Variants in RHOBTB1 observed in about 807,000 individuals in gnomAD.
RHOBTB1 encodes the protein rho-related BTB domain-containing protein 1.
Under a neutral mutation model 71.6 loss-of-function variants are expected in RHOBTB1, and 40 were observed. The observed-to-expected ratio is 0.56, with a 90% CI of 0.43 to 0.73. The LOEUF is 0.73. RHOBTB1 is among the 30% of genes least tolerant of loss of function. RHOBTB1 has a pLI of 0.00. For synonymous variants in RHOBTB1, 319 were observed against 334.9 expected (o/e 0.95, Z 0.52); for missense variants, 797 against 894.0 (o/e 0.89, Z 1.38).
At chr10:60,990,548 C>T (rs1056661830) in intron 1 of RHOBTB1, among the ~76,000 whole-genome samples, 5 of 152,216 alleles carry the variant, frequency 3.3e-5, no homozygotes, top group African/African-American at 1.2e-4. Flanking sequence ...TATTCTCCAT[C>T]CGTGCTCAAT....
chr10:60,880,805 CT>C lies in RHOBTB1; in HGVS notation c.1576-2748del, dbSNP rs201102597. ...TCAACTAAATCTAGCACCAGTTACA[CT>C]GCGTGTATGCTCGCATACATATATG... is the stretch of plus-strand genomic sequence containing the variant. On this transcript the variant is annotated intron_variant, in intron 7 of 10. Transcript: ENST00000337910. Among the ~76,000 whole-genome samples, 426 of 152,346 alleles carry C rather than the reference CT, an allele frequency of 2.8e-3. 1 individual carries two copies. Among genetic ancestry groups the C allele is most frequent in the African/African-American group, 9.5e-3 (395 of 41,562 alleles).
intron 2 of RHOBTB1, among the ~76,000 whole-genome samples, chr10:60,956,880 A>G (rs1227998343): frequency 6.6e-6 from 1 of 152,188 alleles, no homozygotes; most frequent in Admixed American, 6.5e-5. Flanking sequence ...TCAGTTACAG[A>G]TACTCAGAAG....
At chr10:60,963,608 T>C (rs1002311789) in intron 2 of RHOBTB1, among the ~76,000 whole-genome samples, 1 of 152,162 alleles carries the variant, frequency 6.6e-6, no homozygotes, top group Non-Finnish European at 1.5e-5. Context: ...CATGAGGTCA[T>C]GTGTTCCATT....
At chr10:60,919,772 G>A (rs111785773) in intron 2 of RHOBTB1, among the ~76,000 whole-genome samples, 5 of 152,260 alleles carry the variant, frequency 3.3e-5, no homozygotes, top group East Asian at 3.9e-4. Context: ...TCTCACCAGG[G>A]CTCTCTGACA....
intron 10 of RHOBTB1, 135 bp downstream of exon 10, chr10:60,872,050 T>G: frequency 1.4e-6 from 1 of 730,684 alleles, no homozygotes; most frequent in South Asian, 1.6e-5. Flanking sequence ...CACATTAATA[T>G]GTGACCACCA....
chr10:60,943,332 G>C (rs1040255149), intron 1 of RHOBTB1, among the ~76,000 whole-genome samples: 1 of 152,100 alleles, frequency 6.6e-6, no homozygotes, highest in Non-Finnish European at 1.5e-5. Flanking sequence ...ACTTCTTTTC[G>C]GGGGGCAGAG....
chr10:60,986,862 C>T (rs1334335297), intron 1 of RHOBTB1, among the ~76,000 whole-genome samples: 1 of 152,140 alleles, frequency 6.6e-6, no homozygotes, highest in African/African-American at 2.4e-5. Flanking sequence ...AATCATCCAG[C>T]TCTCCTCCCT....
At chr10:60,947,131 G>T (rs112102727), upstream of RHOBTB1, among the ~76,000 whole-genome samples, 9 of 152,212 alleles carry the variant, frequency 5.9e-5, no homozygotes, top group African/African-American at 1.7e-4. Context: ...AGAGAGAAAA[G>T]GAATCATATC....
intron 4 of RHOBTB1, among the ~76,000 whole-genome samples, chr10:60,905,449 CAA>C (rs35538782): frequency 2.9e-4 from 14 of 48,986 alleles, no homozygotes; most frequent in Admixed American, 1.3e-3. Flanking sequence ...GACTCTTTCT[CAA>C]AAAAAAAAAA....
At chr10:61,001,655 G>A (rs1205528678), upstream of RHOBTB1, among the ~76,000 whole-genome samples, 1 of 152,084 alleles carries the variant, frequency 6.6e-6, no homozygotes, top group Non-Finnish European at 1.5e-5. Context: ...CTGCCGGACA[G>A]TCCTGCGGGC....
chr10:60,910,301 C>T (rs2133366324), intron 4 of RHOBTB1, among the ~76,000 whole-genome samples: 1 of 152,176 alleles, frequency 6.6e-6, no homozygotes, highest in Non-Finnish European at 1.5e-5. Flanking sequence ...AGGAGTTTTC[C>T]CATTACTAGA....
At chr10:60,930,234 G>T (rs1192316891) in intron 2 of RHOBTB1, among the ~76,000 whole-genome samples, 1 of 152,168 alleles carries the variant, frequency 6.6e-6, no homozygotes, top group East Asian at 1.9e-4. Context: ...CTTGCTAAGT[G>T]ATTTTAGGCA....
intron 2 of RHOBTB1, among the ~76,000 whole-genome samples, chr10:60,928,237 G>A (rs985983300): frequency 2.0e-5 from 3 of 151,920 alleles, no homozygotes; most frequent in African/African-American, 7.3e-5. Context: ...AATTAGCACG[G>A]CCATTTTGGA....
intron 9 of RHOBTB1, among the ~76,000 whole-genome samples, chr10:60,872,787 G>A (rs1179833920): frequency 6.6e-6 from 1 of 152,170 alleles, no homozygotes; most frequent in Admixed American, 6.5e-5. Flanking sequence ...AGAAGAGCAG[G>A]CGGTATGGGC....
At chr10:60,892,178 A>G (rs2132750714) in intron 5 of RHOBTB1, among the ~76,000 whole-genome samples, 1 of 152,322 alleles carries the variant, frequency 6.6e-6, no homozygotes, top group South Asian at 2.1e-4. Flanking sequence ...CAAAATCAAT[A>G]TCGACATTTT....
Position 60,871,587 on chromosome 10 carries a change from G to C in RHOBTB1, c.1986C>G (p.His662Gln). Residue 662 changes from histidine (H) to glutamine (Q), a missense_variant, in exon 11 of 11, where the codon CAC becomes CAG. Transcript: ENST00000337910. The stretch of plus-strand genomic sequence containing the variant: ...CTCGTTCCCTTTTCACACGCTGGTA[G>C]TGATCTTCTTCCTTCAGGTACCACA... ...PPVWYLKEED[H>Q]YQRVKREREK... is the part of the protein sequence containing the mutation. 1 of 1,614,084 alleles carries C rather than the reference G, an allele frequency of 6.2e-7. No individual in the cohort carries two copies. The highest frequency in any genetic ancestry group is 8.5e-7 in the Non-Finnish European group (1 of 1,179,990).
At chr10:60,907,255 T>C (rs564349534) in intron 4 of RHOBTB1, among the ~76,000 whole-genome samples, 17 of 152,354 alleles carry the variant, frequency 1.1e-4, no homozygotes, top group African/African-American at 3.8e-4. Context: ...GCCAGATTCC[T>C]GATAAAGGCA....
At chr10:60,973,295 T>G (rs1280218925) in intron 2 of RHOBTB1, among the ~76,000 whole-genome samples, 1 of 152,070 alleles carries the variant, frequency 6.6e-6, no homozygotes, top group Non-Finnish European at 1.5e-5. Context: ...CAAGCTAAGA[T>G]TATTACAAAA....
intron 8 of RHOBTB1, among the ~76,000 whole-genome samples, chr10:60,876,059 A>C (rs1406969614): frequency 1.3e-5 from 2 of 152,158 alleles, no homozygotes; most frequent in Non-Finnish European, 2.9e-5. Context: ...TCGGGAATGG[A>C]ATGATTTCTT....
Sources: allele counts gnomAD v4.1 joint callset (sites outside exome capture counted in the v4.1 genomes callset), GRCh38; gene constraint gnomAD v4.1.1; transcripts MANE v1.5; gene names NCBI Gene and HGNC (gene_info 2026-07-23, HGNC 2026-07-21).